ADAMTS3: variants seen among roughly 807,000 people sequenced by gnomAD.
ADAMTS3 encodes the protein A disintegrin and metalloproteinase with thrombospondin motifs 3.
ADAMTS3 carries 73 observed loss-of-function variants against 129.0 expected under a neutral mutation model. The observed-to-expected ratio is 0.57, with a 90% CI of 0.47 to 0.69. ADAMTS3 has a LOEUF of 0.69. Ranked by LOEUF, ADAMTS3 falls within the 30% of genes least tolerant of loss-of-function variation. ADAMTS3 has a pLI of 0.00. For missense variants in ADAMTS3, 1,457 were observed against 1,514.5 expected (o/e 0.96, Z 0.63); for synonymous variants, 477 against 510.8 (o/e 0.93, Z 0.89).
At chr4:72,480,421 C>A (rs1229172408) in intron 3 of ADAMTS3, among the ~76,000 whole-genome samples, 4 of 152,086 alleles carry the variant, frequency 2.6e-5, no homozygotes, top group Admixed American at 2.6e-4. Flanking sequence ...TGGAAATCAT[C>A]CTTCTCAGTA....
chr4:72,368,376 G>A (rs1471124659), intron 4 of ADAMTS3, among the ~76,000 whole-genome samples: 1 of 151,988 alleles, frequency 6.6e-6, no homozygotes. Context: ...GGCTACTGGA[G>A]GTAAAACAAT....
chr4:72,318,511 A>C, intron 10 of ADAMTS3, 61 bp downstream of exon 10: 2 of 1,572,162 alleles, frequency 1.3e-6, no homozygotes, highest in Non-Finnish European at 1.7e-6. Flanking sequence ...AATCTCACCA[A>C]GCAGGAGCTA....
rs752576667 is a variant in ADAMTS3, at chr4:72,291,068, G to C, written c.2724-6C>G. On this transcript the variant is annotated splice_region_variant and splice_polypyrimidine_tract_variant and intron_variant, in intron 19 of 21. Transcript: ENST00000286657. ...CCCATTCTTCTGCTACCCAGCTGTG[G>C]GTGCGGGGATTTAATATTGCAATTA... is the stretch of plus-strand genomic sequence containing the variant. 1.2e-6 allele frequency: 2 copies of C among 1,613,572 alleles called. No homozygotes were observed. Among genetic ancestry groups the C allele is most frequent in the African/African-American group, 2.7e-5 (2 of 74,888 alleles).
intron 3 of ADAMTS3, among the ~76,000 whole-genome samples, chr4:72,536,113 A>AT (rs1721179212): frequency 2.0e-5 from 3 of 152,196 alleles, no homozygotes; most frequent in Admixed American, 6.5e-5. Flanking sequence ...CATTATCGTA[A>AT]TGACAACAGC....
chr4:72,443,985 T>TG (rs1221250943), intron 3 of ADAMTS3, among the ~76,000 whole-genome samples: 2 of 151,716 alleles, frequency 1.3e-5, no homozygotes, highest in Non-Finnish European at 3.0e-5. Flanking sequence ...AACAGACAAG[T>TG]AATCACCATA....
At chr4:72,488,124 G>T (rs1719637777) in intron 3 of ADAMTS3, among the ~76,000 whole-genome samples, 1 of 151,960 alleles carries the variant, frequency 6.6e-6, no homozygotes, top group Non-Finnish European at 1.5e-5. Context: ...GATTAACCAT[G>T]ATCCTGTTGA....
intron 4 of ADAMTS3, among the ~76,000 whole-genome samples, chr4:72,357,645 A>C (rs942642031): frequency 6.6e-6 from 1 of 151,960 alleles, no homozygotes; most frequent in Admixed American, 6.6e-5. Context: ...CACTAGGTTG[A>C]TAGAACTCAA....
chr4:72,516,304 T>C (rs1270163862), intron 3 of ADAMTS3, among the ~76,000 whole-genome samples: 1 of 152,166 alleles, frequency 6.6e-6, no homozygotes, highest in Non-Finnish European at 1.5e-5. Flanking sequence ...AGCTTAGGAT[T>C]GACTTGGCAA....
chr4:72,344,455 C>T (rs745411569), intron 4 of ADAMTS3, among the ~76,000 whole-genome samples: 31 of 152,184 alleles, frequency 2.0e-4, no homozygotes, highest in Non-Finnish European at 3.5e-4. Context: ...TGTGATAGAG[C>T]CTGTGATAAA....
intron 3 of ADAMTS3, among the ~76,000 whole-genome samples, chr4:72,447,085 T>A (rs1202894704): frequency 6.6e-6 from 1 of 151,788 alleles, no homozygotes. Flanking sequence ...TTTCCTCATA[T>A]TCAATCCCAG....
At chr4:72,541,786 C>T (rs148317774) in intron 3 of ADAMTS3, among the ~76,000 whole-genome samples, 395 of 152,196 alleles carry the variant, frequency 2.6e-3, no homozygotes, top group Non-Finnish European at 4.6e-3. Flanking sequence ...CCTTCCACCA[C>T]GATTGTGAGG....
chr4:72,411,230 A>AC (rs1722177109), intron 4 of ADAMTS3, among the ~76,000 whole-genome samples: 1 of 152,142 alleles, frequency 6.6e-6, no homozygotes, highest in South Asian at 2.1e-4. Flanking sequence ...GTACCATATG[A>AC]CACATTATCT....
intron 4 of ADAMTS3, among the ~76,000 whole-genome samples, chr4:72,387,787 CAT>C (rs1188398725): frequency 6.6e-6 from 1 of 152,094 alleles, no homozygotes; most frequent in African/African-American, 2.4e-5. Context: ...TAAAGGGATC[CAT>C]CTCTTCCTAG....
intron 4 of ADAMTS3, among the ~76,000 whole-genome samples, chr4:72,364,255 A>G (rs1393234812): frequency 6.6e-6 from 1 of 151,920 alleles, no homozygotes; most frequent in African/African-American, 2.4e-5. Flanking sequence ...ATAGAAGGAC[A>G]TACACTAAAA....
At chr4:72,456,764 C>T (rs560409813) in intron 3 of ADAMTS3, among the ~76,000 whole-genome samples, 6 of 151,526 alleles carry the variant, frequency 4.0e-5, no homozygotes, top group African/African-American at 1.4e-4. Context: ...GAATGGTAGG[C>T]TCCTCTTTAA....
chr4:72,388,631 G>A (rs1254721883), intron 4 of ADAMTS3, among the ~76,000 whole-genome samples: 18 of 152,124 alleles, frequency 1.2e-4, no homozygotes, highest in Admixed American at 4.6e-4. Flanking sequence ...AAGTCATAGC[G>A]TTTGGGGGAG....
intron 3 of ADAMTS3, among the ~76,000 whole-genome samples, chr4:72,435,420 T>A (rs1280426852): frequency 1.3e-5 from 2 of 151,916 alleles, no homozygotes; most frequent in African/African-American, 2.4e-5. Flanking sequence ...GATGTTGCAT[T>A]TATTTACTAT....
At chr4:72,451,100 A>C (rs1295657964) in intron 3 of ADAMTS3, among the ~76,000 whole-genome samples, 1 of 151,772 alleles carries the variant, frequency 6.6e-6, no homozygotes, top group East Asian at 2.0e-4. Context: ...CAGACAAGTA[A>C]AAGGATAGCA....
In ADAMTS3 at chr4:72,319,038, C is replaced by G. The variant is rs903161716; in HGVS notation, c.1352+294G>C. On this transcript the variant is annotated intron_variant, in intron 9 of 21. Coordinates refer to ENST00000286657, the MANE Select transcript of ADAMTS3 (RefSeq NM_014243.3). ...CAGCTCGTATCATATGCAGAAACCA[C>G]ATGACCATCCTCCCCCCATCCTCAA... 2.0e-5 allele frequency among the ~76,000 whole-genome samples: 3 copies of G among 152,138 alleles called. No homozygotes were observed. The East Asian group carries it at 5.8e-4, about 29-fold the overall frequency.
Sources: allele counts gnomAD v4.1 joint callset (sites outside exome capture counted in the v4.1 genomes callset), GRCh38; gene constraint gnomAD v4.1.1; transcripts MANE v1.5; gene names NCBI Gene and HGNC (gene_info 2026-07-23, HGNC 2026-07-21).